The following BMPR2 variants were observed in gnomAD, a reference collection of about 807,000 sequenced individuals.
BMPR2 encodes bone morphogenetic protein receptor type 2.
BMPR2 carries 29 observed loss-of-function variants against 100.8 expected under a neutral mutation model. The observed-to-expected ratio is 0.29, with a 90% confidence interval of 0.21 to 0.39. The LOEUF (loss-of-function observed/expected upper bound fraction) is 0.39, where lower values mean the gene tolerates loss of function less well. Among genes scored for constraint, BMPR2 ranks in the 10% least tolerant of loss-of-function variants. BMPR2 has a pLI of 1.00. For missense variants in BMPR2, 1,011 were observed against 1,274.5 expected, an observed-to-expected ratio of 0.79 and a Z score of 3.15; for synonymous variants, 382 against 442.3, an observed-to-expected ratio of 0.86 and a Z score of 1.71.
chr2:202,457,124 A>G (rs1692125418), intron 1 of BMPR2, among the ~76,000 whole-genome samples: 1 of 151,884 alleles, frequency 6.6e-6, no homozygotes, highest in African/African-American at 2.4e-5. Context: ...TTTATTATCT[A>G]TCTACCTACC....
rs1688695454 is a variant in BMPR2 at position 202,562,728 on chromosome 2, TCCTAACTGTATA to T, written c.*2785_*2796del. 6.6e-6 allele frequency: 1 copy of T among 152,102 alleles called. No individual in the cohort carries two copies. Among genetic ancestry groups the T allele is most frequent in the South Asian group, 2.1e-4 (1 of 4,828 alleles). 9.4% of individuals were successfully genotyped at this position (152,102 alleles called of 1,614,324 possible). A position where few individuals can be genotyped will look rare whatever the true frequency, so the allele number is the denominator to read the frequency against. The stretch of plus-strand genomic sequence containing the variant: ...TCTAATATTAGTTCCCTTAACAAAA[TCCTAACTGTATA>T]CCAGAATTAGGTCACTGAAAGAACT... On this transcript the variant is annotated 3_prime_UTR_variant, in exon 13 of 13. Transcript: ENST00000374580.
At chr2:202,434,967 C>G (rs1004593244) in intron 1 of BMPR2, among the ~76,000 whole-genome samples, 7 of 126,456 alleles carry the variant, frequency 5.5e-5, no homozygotes, top group Non-Finnish European at 1.1e-4. Context: ...ATAATCCCAG[C>G]AATTTGGGAG....
At chr2:202,558,341 A>G (rs1688618945) in intron 12 of BMPR2, among the ~76,000 whole-genome samples, 1 of 151,454 alleles carries the variant, frequency 6.6e-6, no homozygotes, top group Non-Finnish European at 1.5e-5. Context: ...CGAACACTGG[A>G]CTTCAGGTGA....
At chr2:202,385,426 C>T (rs1223606085) in intron 1 of BMPR2, among the ~76,000 whole-genome samples, 2 of 122,492 alleles carry the variant, frequency 1.6e-5, no homozygotes, top group Non-Finnish European at 3.1e-5. Context: ...AGTACAGTGG[C>T]GTGATCTCGG....
chr2:202,460,193 A>G (rs147973407), intron 1 of BMPR2, among the ~76,000 whole-genome samples: 1 of 152,326 alleles, frequency 6.6e-6, no homozygotes, highest in East Asian at 1.9e-4. Flanking sequence ...TTTTGGACAC[A>G]TGCACGTGTA....
At chr2:202,510,414 G>T (rs1448365937) in intron 3 of BMPR2, among the ~76,000 whole-genome samples, 1 of 152,118 alleles carries the variant, frequency 6.6e-6, no homozygotes, top group East Asian at 1.9e-4. Context: ...AAAAGGAAAT[G>T]AACTGCTAAG....
At chr2:202,444,555 A>G (rs1691813917) in intron 1 of BMPR2, among the ~76,000 whole-genome samples, 1 of 150,748 alleles carries the variant, frequency 6.6e-6, no homozygotes, top group East Asian at 1.9e-4. Flanking sequence ...CTTTAGTTAG[A>G]TGTGTTCTAC....
At chr2:202,460,533 A>G (rs879493773) in intron 1 of BMPR2, among the ~76,000 whole-genome samples, 8 of 152,208 alleles carry the variant, frequency 5.3e-5, no homozygotes, top group Non-Finnish European at 8.8e-5. Flanking sequence ...TTCAATAGAA[A>G]AAATAAAATT....
At chr2:202,490,990 G>T (rs1250752165) in intron 3 of BMPR2, among the ~76,000 whole-genome samples, 1 of 151,984 alleles carries the variant, frequency 6.6e-6, no homozygotes, top group Non-Finnish European at 1.5e-5. Context: ...GAGTGCAGTG[G>T]CACAATTTTG....
intron 3 of BMPR2, among the ~76,000 whole-genome samples, chr2:202,497,304 A>G (rs1693056730): frequency 6.6e-6 from 1 of 152,176 alleles, no homozygotes; most frequent in Admixed American, 6.5e-5. Flanking sequence ...CGGTGAGAGC[A>G]TCACCTATCC....
intron 12 of BMPR2, among the ~76,000 whole-genome samples, chr2:202,558,402 G>T (rs1484510001): frequency 6.6e-6 from 1 of 152,034 alleles, no homozygotes; most frequent in African/African-American, 2.4e-5. Context: ...GTGAACCACT[G>T]CGCCCAGCCT....
chr2:202,512,711 A>T (rs953062855), intron 3 of BMPR2, among the ~76,000 whole-genome samples: 8 of 152,138 alleles, frequency 5.3e-5, no homozygotes, highest in Non-Finnish European at 4.4e-5. Context: ...AAATGTTTAC[A>T]TGTTTGTGAT....
chr2:202,479,004 C>CA (rs1692606603), intron 3 of BMPR2, among the ~76,000 whole-genome samples: 1 of 152,122 alleles, frequency 6.6e-6, no homozygotes, highest in Admixed American at 6.6e-5. Context: ...ACATGGTTCC[C>CA]AATGATCCCT....
intron 3 of BMPR2, among the ~76,000 whole-genome samples, chr2:202,499,504 A>G (rs1687323538): frequency 6.6e-6 from 1 of 152,184 alleles, no homozygotes. Context: ...TAGAAGGACT[A>G]AGGAGAATTA....
chr2:202,435,549 A>G (rs1691600317), intron 1 of BMPR2, among the ~76,000 whole-genome samples: 1 of 149,612 alleles, frequency 6.7e-6, no homozygotes, highest in Non-Finnish European at 1.5e-5. Context: ...TTTATTATCA[A>G]GGAAATAAAA....
chr2:202,397,156 G>A (rs908676474), intron 1 of BMPR2, among the ~76,000 whole-genome samples: 1 of 152,150 alleles, frequency 6.6e-6, no homozygotes, highest in South Asian at 2.1e-4. Context: ...TGGGAGCAGG[G>A]TCAATAAATA....
intron 3 of BMPR2, among the ~76,000 whole-genome samples, chr2:202,490,545 TCTCA>T (rs1692879911): frequency 6.6e-6 from 1 of 152,234 alleles, no homozygotes; most frequent in African/African-American, 2.4e-5. Context: ...AAAATACTTT[TCTCA>T]CTCTGCTAGC....
intron 12 of BMPR2, among the ~76,000 whole-genome samples, chr2:202,557,464 A>AAC (rs138065331): frequency 0.12 from 14,702 of 125,160 alleles, 797 homozygotes; most frequent in East Asian, 0.17. Context: ...CTCTGTCTCA[A>AAC]ACACACACAC....
intron 3 of BMPR2, 56 bp from the exon 4 acceptor site, chr2:202,513,663 T>C (rs917895740): frequency 4.3e-5 from 57 of 1,339,156 alleles, no homozygotes; most frequent in Non-Finnish European, 5.5e-5. Flanking sequence ...TCTGTCAGTA[T>C]TTAACAAAAT....
Sources: gnomAD v4.1 joint callset for allele counts (sites outside exome capture counted in the v4.1 genomes callset) on GRCh38, gnomAD v4.1.1 for gene constraint, MANE v1.5 for transcripts, NCBI Gene and HGNC (gene_info 2026-07-23, HGNC 2026-07-21) for gene names.